The following ENTHD1 variants were observed in gnomAD, a reference collection of about 807,000 sequenced individuals.
The protein encoded by ENTHD1 is ENTH domain-containing protein 1.
Under a neutral mutation model 39.1 loss-of-function variants are expected in ENTHD1, and 23 were observed. The ratio of observed to expected loss-of-function variants is 0.59; its 90% CI spans 0.42 to 0.83. ENTHD1 has a LOEUF of 0.83. ENTHD1 is among the 40% of genes least tolerant of loss of function. ENTHD1 has a pLI of 0.00. For missense variants in ENTHD1, 624 were observed against 705.4 expected, an observed-to-expected ratio of 0.88 and a Z score of 1.31; for synonymous variants, 230 against 258.2, an observed-to-expected ratio of 0.89 and a Z score of 1.05.
chr22:39,824,031 C>G (rs1320682565), intron 4 of ENTHD1, among the ~76,000 whole-genome samples: 1 of 151,996 alleles, frequency 6.6e-6, no homozygotes. Context: ...TCTTTAAATG[C>G]TCCAGATATT....
intron 4 of ENTHD1, among the ~76,000 whole-genome samples, chr22:39,823,940 T>C (rs2065803708): frequency 6.6e-6 from 1 of 152,222 alleles, no homozygotes; most frequent in South Asian, 2.1e-4. Flanking sequence ...TTACCATCTG[T>C]ATTTGTTAAA....
At chr22:39,822,581 C>CA (rs2065791850) in intron 4 of ENTHD1, among the ~76,000 whole-genome samples, 1 of 152,188 alleles carries the variant, frequency 6.6e-6, no homozygotes, top group Non-Finnish European at 1.5e-5. Flanking sequence ...AGAGATTGCA[C>CA]AAAAAACAGA....
intron 5 of ENTHD1, among the ~76,000 whole-genome samples, chr22:39,810,402 A>G (rs1346592621): frequency 6.6e-6 from 1 of 152,120 alleles, no homozygotes; most frequent in Non-Finnish European, 1.5e-5. Context: ...AGTTATTTCC[A>G]TGGTCTCAGA....
intron 5 of ENTHD1, among the ~76,000 whole-genome samples, chr22:39,777,076 C>A (rs941054257): frequency 6.6e-6 from 1 of 152,118 alleles, no homozygotes; most frequent in Non-Finnish European, 1.5e-5. Flanking sequence ...CAAAATATGT[C>A]TTTCTGTAGT....
At chr22:39,871,116 G>C (rs1309306015) in intron 2 of ENTHD1, among the ~76,000 whole-genome samples, 2 of 151,816 alleles carry the variant, frequency 1.3e-5, no homozygotes. Context: ...GCTGCAGTGA[G>C]CTGTGATCAC....
intron 6 of ENTHD1, among the ~76,000 whole-genome samples, chr22:39,764,890 T>C (rs1180182784): frequency 6.6e-6 from 1 of 152,016 alleles, no homozygotes; most frequent in Non-Finnish European, 1.5e-5. Flanking sequence ...TCATATAATC[T>C]CTTAATAAGT....
intron 4 of ENTHD1, among the ~76,000 whole-genome samples, chr22:39,828,563 G>A (rs750999830): frequency 2.0e-5 from 3 of 152,130 alleles, no homozygotes; most frequent in Non-Finnish European, 2.9e-5. Context: ...AATATTTATC[G>A]TGTATCACTA....
chr22:39,846,824 C>T (rs374427957), intron 3 of ENTHD1, among the ~76,000 whole-genome samples: 1 of 152,028 alleles, frequency 6.6e-6, no homozygotes, highest in Non-Finnish European at 1.5e-5. Context: ...CAGAGAAATG[C>T]AAATCAAAAC....
chr22:39,882,626 A>G (rs1055730340), intron 2 of ENTHD1, among the ~76,000 whole-genome samples: 1 of 152,214 alleles, frequency 6.6e-6, no homozygotes, highest in Non-Finnish European at 1.5e-5. Flanking sequence ...GTGCATGCAT[A>G]TATCCTCAAT....
intron 5 of ENTHD1, among the ~76,000 whole-genome samples, chr22:39,774,882 C>T (rs966384324): frequency 2.0e-5 from 3 of 152,110 alleles, no homozygotes; most frequent in African/African-American, 7.2e-5. Context: ...TCCAGATTCA[C>T]GTCCCTTAAA....
In ENTHD1 at chr22:39,765,619, A is replaced by C. The variant is rs368243044; in HGVS notation, c.833-10T>G. 1.8e-5 allele frequency: 29 copies of C among 1,584,630 alleles called. No individual in the cohort carries two copies. The highest frequency in any genetic ancestry group is 2.5e-5 in the Non-Finnish European group (29 of 1,167,698). On this transcript the variant is annotated splice_polypyrimidine_tract_variant and intron_variant, in intron 5 of 6. Coordinates refer to ENST00000325157, the MANE Select transcript of ENTHD1 (RefSeq NM_152512.4). ...AGAGTAGGCACAGCATCTATAAAAG[A>C]ACAAATAAGAGCTATAATCAAAAAA...
intron 2 of ENTHD1, among the ~76,000 whole-genome samples, chr22:39,877,607 CCTCA>C (rs1293780586): frequency 6.6e-6 from 1 of 152,090 alleles, no homozygotes; most frequent in Non-Finnish European, 1.5e-5. Flanking sequence ...TCAGGGCCTC[CCTCA>C]CTTTTGTTTT....
At chr22:39,872,917 A>G (rs1477452164) in intron 2 of ENTHD1, among the ~76,000 whole-genome samples, 1 of 151,436 alleles carries the variant, frequency 6.6e-6, no homozygotes, top group Non-Finnish European at 1.5e-5. Flanking sequence ...GCAACCTCAA[A>G]CTCTTGGGCT....
At chr22:39,854,655 C>A (rs1361388945) in intron 3 of ENTHD1, among the ~76,000 whole-genome samples, 13 of 151,936 alleles carry the variant, frequency 8.6e-5, no homozygotes, top group Non-Finnish European at 1.8e-4. Context: ...AAACAAAAAC[C>A]ACCCAGGCTA....
At position 39,867,672 on chromosome 22, in the gene ENTHD1, A is replaced by AG. The variant is rs1344583332; in HGVS notation, c.350-5666dup. On this transcript the variant is annotated intron_variant, in intron 2 of 6. Coordinates refer to ENST00000325157, the MANE Select transcript of ENTHD1 (RefSeq NM_152512.4). The surrounding 1 kb of genome is among the most constrained non-coding windows in gnomAD (Gnocchi z 4.5). ...GGTAACGCGGTGGGGGTAGAAAGGG[A>AG]GGGGAGAAGTATCTAAAATATCTGA... is the stretch of plus-strand genomic sequence containing the variant. Among the ~76,000 whole-genome samples, 2 of 151,948 alleles carry AG rather than the reference A, an allele frequency of 1.3e-5. No homozygotes were observed. The highest frequency in any genetic ancestry group is 4.1e-4 in the South Asian group (2 of 4,820).
chr22:39,793,461 T>C (rs2065521810), intron 5 of ENTHD1, among the ~76,000 whole-genome samples: 1 of 152,156 alleles, frequency 6.6e-6, no homozygotes, highest in Non-Finnish European at 1.5e-5. Context: ...ACCTTGTTCA[T>C]TGTTTCCTTT....
intron 5 of ENTHD1, among the ~76,000 whole-genome samples, chr22:39,810,241 T>C (rs1273664210): frequency 6.6e-6 from 1 of 152,180 alleles, no homozygotes; most frequent in East Asian, 1.9e-4. Flanking sequence ...TTATCCGATA[T>C]TGGCTCTGAA....
intron 3 of ENTHD1, among the ~76,000 whole-genome samples, chr22:39,851,120 A>AT (rs1408191764): frequency 6.6e-6 from 1 of 151,972 alleles, no homozygotes; most frequent in Admixed American, 6.6e-5. Context: ...ATAGGCTGTT[A>AT]TTTTCCTTCA....
At chr22:39,855,049 TC>T (rs1569168872) in intron 3 of ENTHD1, among the ~76,000 whole-genome samples, 1 of 152,230 alleles carries the variant, frequency 6.6e-6, no homozygotes, top group African/African-American at 2.4e-5. Flanking sequence ...CACTACTGTT[TC>T]CTCATTTCTA....
Sources: allele counts gnomAD v4.1 joint callset (sites outside exome capture counted in the v4.1 genomes callset), GRCh38; gene constraint gnomAD v4.1.1; non-coding constraint Gnocchi (gnomAD v3.1); transcripts MANE v1.5; gene names NCBI Gene and HGNC (gene_info 2026-07-23, HGNC 2026-07-21).